Variants in FTCDNL1 observed in about 807,000 individuals in gnomAD.
The protein encoded by FTCDNL1 is formiminotransferase N-terminal subdomain-containing protein.
Under a neutral mutation model 5.9 loss-of-function variants are expected in FTCDNL1, and 11 were observed. The ratio of observed to expected loss-of-function variants is 1.87; its 90% CI spans 1.18 to 3.10. The LOEUF (loss-of-function observed/expected upper bound fraction) is 3.10. Among genes scored for constraint, FTCDNL1 ranks in the 30% most tolerant of loss-of-function variants. FTCDNL1 has a pLI of 0.00. For synonymous variants in FTCDNL1, 58 were observed against 24.8 expected (o/e 2.34, Z -3.99); for missense variants, 115 against 65.5 (o/e 1.76, Z -2.61).
the FTCDNL1 span, among the ~76,000 whole-genome samples, chr2:199,717,394 C>T: frequency 2.6e-5 from 4 of 151,966 alleles, no homozygotes; most frequent in African/African-American, 4.8e-5. Context: ...GTACCTTTGC[C>T]TCCAAAACTT....
chr2:199,761,008 C>T (rs1206920722), intron 3 of FTCDNL1, among the ~76,000 whole-genome samples: 1 of 152,222 alleles, frequency 6.6e-6, no homozygotes, highest in East Asian at 1.9e-4. Flanking sequence ...ACAGTGATCC[C>T]TAAGTCACTT....
the FTCDNL1 span, among the ~76,000 whole-genome samples, chr2:199,725,137 C>T: frequency 8.3e-4 from 126 of 152,168 alleles, no homozygotes; most frequent in African/African-American, 2.8e-3. Context: ...ACTAATGTAA[C>T]GCCCTTCTTT....
chr2:199,740,784 G>A, the FTCDNL1 span, among the ~76,000 whole-genome samples: 2 of 152,242 alleles, frequency 1.3e-5, no homozygotes, highest in African/African-American at 4.8e-5. Flanking sequence ...TCACACGAAA[G>A]GGAGGTGGCA....
chr2:199,748,273 A>G, the FTCDNL1 span, among the ~76,000 whole-genome samples: 1 of 152,190 alleles, frequency 6.6e-6, no homozygotes, highest in Admixed American at 6.5e-5. Flanking sequence ...AATTCTGATG[A>G]AGTCATCTCC....
chr2:199,708,091 G>A, the FTCDNL1 span, among the ~76,000 whole-genome samples: 2 of 140,036 alleles, frequency 1.4e-5, no homozygotes, highest in African/African-American at 5.1e-5. Context: ...TCATATCACT[G>A]AGATTCTGAG....
chr2:199,719,520 T>C, the FTCDNL1 span, among the ~76,000 whole-genome samples: 6 of 152,340 alleles, frequency 3.9e-5, no homozygotes, highest in East Asian at 3.9e-4. Flanking sequence ...CTATTTTTTA[T>C]TTTATATGAA....
the FTCDNL1 span, among the ~76,000 whole-genome samples, chr2:199,731,838 A>C: frequency 1.3e-5 from 2 of 151,460 alleles, no homozygotes; most frequent in African/African-American, 4.9e-5. Flanking sequence ...CAGTGAGCCG[A>C]GATCCCGCCA....
intron 3 of FTCDNL1, among the ~76,000 whole-genome samples, chr2:199,840,591 G>A (rs1331206641): frequency 6.6e-6 from 1 of 152,140 alleles, no homozygotes; most frequent in Non-Finnish European, 1.5e-5. Context: ...AGACGTACCA[G>A]TGTTTAAGTG....
chr2:199,782,477 A>G (rs933946160), intron 3 of FTCDNL1, among the ~76,000 whole-genome samples: 2 of 152,128 alleles, frequency 1.3e-5, no homozygotes, highest in Non-Finnish European at 2.9e-5. Flanking sequence ...ATTGAGGGGG[A>G]AAGTTTCAAA....
chr2:199,716,686 C>T, the FTCDNL1 span, among the ~76,000 whole-genome samples: 1 of 152,122 alleles, frequency 6.6e-6, no homozygotes, highest in Non-Finnish European at 1.5e-5. Context: ...CTTACTATAA[C>T]GCTATTTACA....
At chr2:199,844,208 A>G (rs2076668811) in intron 3 of FTCDNL1, among the ~76,000 whole-genome samples, 1 of 151,342 alleles carries the variant, frequency 6.6e-6, no homozygotes, top group Non-Finnish European at 1.5e-5. Flanking sequence ...CCATAATGTC[A>G]TGGGGTAGGA....
chr2:199,844,647 T>C (rs957079166), intron 3 of FTCDNL1: 2 of 419,720 alleles, frequency 4.8e-6, no homozygotes, highest in Non-Finnish European at 4.2e-6. Context: ...TGTAGAAGAT[T>C]TTTTGTCCAA....
At chr2:199,769,757 C>T (rs546248672) in intron 3 of FTCDNL1, among the ~76,000 whole-genome samples, 1 of 152,292 alleles carries the variant, frequency 6.6e-6, no homozygotes, top group South Asian at 2.1e-4. Flanking sequence ...TCATGGCTCA[C>T]CACTGTCACT....
intron 4 of FTCDNL1, among the ~76,000 whole-genome samples, chr2:199,813,185 T>C (rs866862118): frequency 1.3e-5 from 2 of 152,206 alleles, no homozygotes; most frequent in African/African-American, 4.8e-5. Context: ...GGACCATGTC[T>C]GGAATAACAC....
intron 3 of FTCDNL1, among the ~76,000 whole-genome samples, chr2:199,820,342 A>G (rs764693993): frequency 1.3e-5 from 2 of 152,146 alleles, no homozygotes; most frequent in Non-Finnish European, 2.9e-5. Flanking sequence ...AGTGGCTCAC[A>G]CCTATAATTC....
the FTCDNL1 span, among the ~76,000 whole-genome samples, chr2:199,696,821 T>C: frequency 6.6e-6 from 1 of 152,144 alleles, no homozygotes; most frequent in Non-Finnish European, 1.5e-5. Context: ...GATGAAATGA[T>C]AGATGTAGAA....
the FTCDNL1 span, among the ~76,000 whole-genome samples, chr2:199,665,774 G>A: frequency 5.2e-5 from 4 of 76,450 alleles, no homozygotes; most frequent in African/African-American, 1.6e-4. Context: ...AGAGAACAGA[G>A]AGGATTATGG....
chr2:199,791,436 G>A (rs1248080318), intron 3 of FTCDNL1, among the ~76,000 whole-genome samples: 1 of 151,998 alleles, frequency 6.6e-6, no homozygotes, highest in Non-Finnish European at 1.5e-5. Context: ...AAATTTAAAC[G>A]TCAACTATTA....
At chr2:199,793,873 C>T (rs761203761) in intron 3 of FTCDNL1, among the ~76,000 whole-genome samples, 3 of 152,270 alleles carry the variant, frequency 2.0e-5, no homozygotes, top group East Asian at 1.9e-4. Context: ...ACTCATTATA[C>T]GTGTACTTCA....
Sources: allele counts gnomAD v4.1 joint callset (sites outside exome capture counted in the v4.1 genomes callset), GRCh38; gene constraint gnomAD v4.1.1; transcripts MANE v1.5; gene names NCBI Gene and HGNC (gene_info 2026-07-23, HGNC 2026-07-21).